The following SEPTIN2 variants were observed in gnomAD, a reference collection of about 807,000 sequenced individuals.
SEPTIN2 encodes the protein septin 2, also known as septin-2.
A neutral mutation model predicts 46.5 loss-of-function variants in SEPTIN2; 34 were observed. The ratio of observed to expected loss-of-function variants is 0.73; its 90% CI spans 0.56 to 0.97. SEPTIN2 has a LOEUF of 0.97. Among genes scored for constraint, SEPTIN2 ranks in the 50% least tolerant of loss-of-function variants. SEPTIN2 has a pLI of 0.00. For synonymous variants in SEPTIN2, 175 were observed against 153.4 expected (o/e 1.14, Z -1.04); for missense variants, 347 against 448.4 (o/e 0.77, Z 2.04).
intron 9 of SEPTIN2, among the ~76,000 whole-genome samples, chr2:241,345,230 C>T (rs10188318): frequency 0.19 from 29,090 of 152,168 alleles, 3,122 homozygotes; most frequent in Middle Eastern, 0.35. Flanking sequence ...AGCTGAAAGT[C>T]GCTACATATT....
intron 11 of SEPTIN2, among the ~76,000 whole-genome samples, chr2:241,349,295 G>A (rs1449188617): frequency 2.6e-5 from 4 of 151,708 alleles, no homozygotes; most frequent in Admixed American, 2.6e-4. Flanking sequence ...CCTGAGCCCA[G>A]GAGTTCAAGG....
chr2:241,327,318 A>G (rs905044739), intron 3 of SEPTIN2, among the ~76,000 whole-genome samples: 1 of 152,046 alleles, frequency 6.6e-6, no homozygotes, highest in African/African-American at 2.4e-5. Flanking sequence ...AAAGATTAAG[A>G]TACAACCGAA....
chr2:241,321,147 CTA>C (rs1176077953), intron 1 of SEPTIN2, among the ~76,000 whole-genome samples: 1 of 152,084 alleles, frequency 6.6e-6, no homozygotes, highest in Non-Finnish European at 1.5e-5. Flanking sequence ...TCAAATTTCT[CTA>C]TGTCTGCTAA....
chr2:241,338,744 A>G (rs1343022027), intron 7 of SEPTIN2, among the ~76,000 whole-genome samples: 1 of 115,310 alleles, frequency 8.7e-6, no homozygotes, highest in Non-Finnish European at 1.7e-5. Context: ...TATATTATTT[A>G]TATGTAATAT....
chr2:241,347,728 G>T (rs971159674), intron 10 of SEPTIN2, among the ~76,000 whole-genome samples: 1 of 152,040 alleles, frequency 6.6e-6, no homozygotes, highest in African/African-American at 2.4e-5. Flanking sequence ...TCTTTAATTA[G>T]AAAAATGATA....
rs1241145547 is a variant in SEPTIN2 at position 241,335,930 on chromosome 2, T to G, written c.218-45T>G. ...TGTCGTAAGAACGTGAGCTTTCCTC[T>G]TCACATGCTGCTTATATTCCCTATT... On this transcript the variant is annotated intron_variant, in intron 4 of 12. Transcript: ENST00000391971. 3.1e-6 allele frequency: 5 copies of G among 1,613,786 alleles called. No homozygotes were observed. The African/African-American group carries it at 6.7e-5, about 22-fold the overall frequency.
Position 241,353,251 on chromosome 2 carries a change from A to G in SEPTIN2, c.*1314A>G, listed in dbSNP as rs2060909565. ...AGCATAGGCTAGTGGGCAGGTCCGC[A>G]CAGTCGAAGCCACACCTGGTCTGTT... On this transcript the variant is annotated 3_prime_UTR_variant, in exon 13 of 13. Transcript: ENST00000391971. 6.6e-6 allele frequency: 1 copy of G among 152,276 alleles called. No homozygotes were observed. The highest frequency in any genetic ancestry group is 1.5e-5 in the Non-Finnish European group (1 of 68,072). 9.4% of individuals were successfully genotyped at this position (152,276 alleles called of 1,614,324 possible). A position where few individuals can be genotyped will look rare whatever the true frequency, so the allele number is the denominator to read the frequency against.
chr2:241,346,373 G>T, intron 10 of SEPTIN2, 124 bp downstream of exon 10: 1 of 602,066 alleles, frequency 1.7e-6, no homozygotes, highest in South Asian at 2.8e-5. Context: ...CTACTCAAAA[G>T]TTATTATAAA....
At chr2:241,347,539 C>T (rs918025018) in intron 10 of SEPTIN2, among the ~76,000 whole-genome samples, 3 of 152,196 alleles carry the variant, frequency 2.0e-5, no homozygotes, top group African/African-American at 7.2e-5. Flanking sequence ...AATGTGGTGA[C>T]TACATTCGCA....
intron 1 of SEPTIN2, among the ~76,000 whole-genome samples, chr2:241,322,401 C>T (rs983331841): frequency 2.0e-5 from 3 of 151,638 alleles, no homozygotes; most frequent in African/African-American, 4.8e-5. Flanking sequence ...GTCAGGAGAT[C>T]GAGACCATCC....
At chr2:241,337,178 C>G (rs2080168158) in intron 5 of SEPTIN2, 2 of 529,778 alleles carry the variant, frequency 3.8e-6, no homozygotes, top group Non-Finnish European at 6.6e-6. Context: ...AGGCTTTTGA[C>G]TCTCAGCACT....
chr2:241,335,512 A>C, intron 4 of SEPTIN2: 1 of 707,940 alleles, frequency 1.4e-6, no homozygotes, highest in South Asian at 1.8e-5. Flanking sequence ...GTTTTACATC[A>C]AAAATGCTGT....
intron 11 of SEPTIN2, among the ~76,000 whole-genome samples, chr2:241,349,454 C>T (rs932386628): frequency 1.3e-5 from 2 of 151,994 alleles, no homozygotes; most frequent in Admixed American, 6.6e-5. Flanking sequence ...TCCAGAAAAG[C>T]TGATTCATTC....
intron 5 of SEPTIN2, 66 bp downstream of exon 5, chr2:241,336,164 G>T: frequency 1.4e-6 from 2 of 1,462,836 alleles, no homozygotes; most frequent in Non-Finnish European, 1.9e-6. Context: ...TTTATAGATA[G>T]TGTTAATGAG....
chr2:241,342,380 TG>T (rs1392232908), intron 7 of SEPTIN2, among the ~76,000 whole-genome samples: 3 of 152,006 alleles, frequency 2.0e-5, no homozygotes, highest in African/African-American at 7.2e-5. Flanking sequence ...GATTGTGGTG[TG>T]ATTTCCATTT....
chr2:241,330,609 C>T (rs1440045428), intron 3 of SEPTIN2, among the ~76,000 whole-genome samples: 1 of 152,186 alleles, frequency 6.6e-6, no homozygotes, highest in Non-Finnish European at 1.5e-5. Flanking sequence ...GAATTAAACA[C>T]TGTCTTCTGT....
chr2:241,325,287 T>A (rs1187120938), intron 2 of SEPTIN2: 1 of 152,228 alleles, frequency 6.6e-6, no homozygotes, highest in African/African-American at 2.4e-5. Flanking sequence ...TCTGGTTACT[T>A]CTGCTATTCT....
chr2:241,343,822 G>T lies in SEPTIN2; in HGVS notation c.767G>T (p.Arg256Leu), dbSNP rs764388666. 7 of 1,614,098 alleles carry T rather than the reference G, an allele frequency of 4.3e-6. 1 individual carries two copies. In the South Asian group the frequency reaches 6.6e-5, roughly 15 times the overall value. ...IEAKGKKVRG[R>L]LYPWGVVEVE... ...GCCAAAGGAAAGAAGGTCAGAGGCC[G>T]CCTCTACCCCTGGGGTGTTGTGGAA... The change falls in exon 9 of 13, where the codon CGC becomes CTC. Residue 256 changes from arginine to leucine, a missense_variant. By Grantham distance (102) the Arg-to-Leu change is moderately radical. Transcript: ENST00000391971.
rs114681371 is a variant in SEPTIN2 at position 241,336,746 on chromosome 2, A to G, written c.342-636A>G. On this transcript the variant is annotated intron_variant, in intron 5 of 12. Transcript: ENST00000391971. ...GCTCAGATAAACCTGTTCTTGACCC[A>G]TGTTCTCTACCACCCTGTTCCTCTG... 4.7e-3 allele frequency: 799 copies of G among 170,854 alleles called. 4 individuals are homozygous for G. Among genetic ancestry groups the G allele is most frequent in the African/African-American group, 0.018 (750 of 41,644 alleles). 10.6% of individuals were successfully genotyped at this position (170,854 alleles called of 1,614,324 possible). A position where few individuals can be genotyped will look rare whatever the true frequency, so the allele number is the denominator to read the frequency against.
Sources: gnomAD v4.1 joint callset for allele counts (sites outside exome capture counted in the v4.1 genomes callset) on GRCh38, gnomAD v4.1.1 for gene constraint, MANE v1.5 for transcripts, NCBI Gene and HGNC (gene_info 2026-07-23, HGNC 2026-07-21) for gene names.